The following ZNF658 variants were observed in gnomAD, a reference collection of about 807,000 sequenced individuals.
The protein encoded by ZNF658 is zinc finger protein 658.
ZNF658 carries 46 observed loss-of-function variants against 78.0 expected under a neutral mutation model. The ratio of observed to expected loss-of-function variants is 0.59; its 90% confidence interval spans 0.47 to 0.75. The LOEUF is 0.75. ZNF658 is among the 30% of genes least tolerant of loss of function. ZNF658 has a pLI of 0.00. For synonymous variants in ZNF658, 279 were observed against 408.4 expected (o/e 0.68, Z 3.82); for missense variants, 785 against 1,189.3 (o/e 0.66, Z 5.00).
intron 2 of ZNF658, among the ~76,000 whole-genome samples, chr9:66,904,692 C>G (rs990262188): frequency 6.6e-5 from 10 of 152,234 alleles, no homozygotes; most frequent in Non-Finnish European, 1.5e-4. Context: ...GTAACTACCA[C>G]TTGATTCCCT....
chr9:66,903,266 T>A lies in ZNF658; in HGVS notation c.-44-252T>A. The A allele has an allele frequency of 7.3e-6, 3 of 412,300 alleles. No homozygotes were observed. In the East Asian group the frequency reaches 1.1e-4, roughly 15 times the overall value. The allele number at this position is 412,300 out of a possible 1,614,324, so 25.5% of individuals were successfully genotyped here. On this transcript the variant is annotated intron_variant, in intron 1 of 4. Coordinates refer to ENST00000621410, the MANE Select transcript of ZNF658 (RefSeq NM_033160.7). Reference sequence around the variant, plus strand: ...TGCACATATTCAGGTGTGGCTATCTTTGAGTGGTCCTTCTTGTCCCTTTTC... The same window carrying A: ...TGCACATATTCAGGTGTGGCTATCTATGAGTGGTCCTTCTTGTCCCTTTTC...
At chr9:66,928,341 CA>C (rs1822605745) in intron 6 of ZNF658, among the ~76,000 whole-genome samples, 1 of 152,016 alleles carries the variant, frequency 6.6e-6, no homozygotes, top group South Asian at 2.1e-4. Flanking sequence ...GGAAAAAAAG[CA>C]AAATTGTTTC....
At chr9:66,914,432 A>G (rs530399417) in intron 4 of ZNF658, among the ~76,000 whole-genome samples, 2 of 152,012 alleles carry the variant, frequency 1.3e-5, no homozygotes, top group East Asian at 3.9e-4. Flanking sequence ...TTTACTCTGT[A>G]TCTTTGTGTT....
At chr9:66,907,243 T>A (rs1412893831) in intron 2 of ZNF658, among the ~76,000 whole-genome samples, 1 of 152,146 alleles carries the variant, frequency 6.6e-6, no homozygotes, top group Non-Finnish European at 1.5e-5. Flanking sequence ...ATCCCCATCT[T>A]ACCTTCTGTG....
Position 66,915,397 on chromosome 9 carries a change from T to TA in ZNF658, c.239-2394dup, listed in dbSNP as rs200943142. 5.6e-3 allele frequency among the ~76,000 whole-genome samples: 798 copies of TA among 143,034 alleles called. 2 individuals carry two copies. Among genetic ancestry groups the TA allele is most frequent in the East Asian group, 0.032 (156 of 4,904 alleles). 93.8% of individuals were successfully genotyped at this position (143,034 alleles called of 152,430 possible). Reference sequence around the variant, plus strand: ...AATAAAGTTAGTTTGCTTTTATAGTTAAAAAAAAAAAAAAGAGAGAGACTA... The same window carrying TA: ...AATAAAGTTAGTTTGCTTTTATAGTTAAAAAAAAAAAAAAAGAGAGAGACTA... On this transcript the variant is annotated intron_variant, in intron 4 of 4. Transcript: ENST00000621410.
chr9:66,929,887 G>T (rs1156693388), intron 6 of ZNF658, among the ~76,000 whole-genome samples: 5 of 135,294 alleles, frequency 3.7e-5, no homozygotes, highest in African/African-American at 1.1e-4. Context: ...GGGTTCAAGC[G>T]ATTCTCCTGC....
At chr9:66,910,363 T>C (rs1422074039) in intron 4 of ZNF658, among the ~76,000 whole-genome samples, 2 of 151,978 alleles carry the variant, frequency 1.3e-5, no homozygotes, top group African/African-American at 4.8e-5. Context: ...AGGTTTTTGT[T>C]TGAAGCCATA....
downstream of ZNF658, among the ~76,000 whole-genome samples, chr9:66,925,457 A>T (rs540785340): frequency 1.2e-4 from 18 of 152,058 alleles, no homozygotes; most frequent in South Asian, 3.7e-3. Flanking sequence ...CTGCTGTGAG[A>T]AAAAATACAC....
intron 4 of ZNF658, among the ~76,000 whole-genome samples, chr9:66,915,052 TGCACACAC>T (rs1367262428): frequency 4.0e-5 from 4 of 99,874 alleles, no homozygotes; most frequent in Non-Finnish European, 8.1e-5. Context: ...TCTTTGGAAT[TGCACACAC>T]ACACACACAC....
rs189558265 is a variant in ZNF658 at position 66,921,048 on chromosome 9, A to G, written c.*302A>G. 6.3e-5 allele frequency: 24 copies of G among 381,150 alleles called. No homozygotes were observed. Among genetic ancestry groups the G allele is most frequent in the Non-Finnish European group, 1.1e-4 (23 of 209,034 alleles). The allele number at this position is 381,150 out of a possible 1,614,324, so 23.6% of individuals were successfully genotyped here. A position where few individuals can be genotyped will look rare whatever the true frequency, so the allele number is the denominator to read the frequency against. On this transcript the variant is annotated 3_prime_UTR_variant, in exon 5 of 5. Transcript: ENST00000621410. The stretch of plus-strand genomic sequence containing the variant: ...CTGTGTGTTCAAAACCATAGAGCAC[A>G]AGGTCAAGGAAGCTAGAGTCTGAAA...
At chr9:66,901,575 T>A (rs532681054) in intron 1 of ZNF658, among the ~76,000 whole-genome samples, 20 of 151,960 alleles carry the variant, frequency 1.3e-4, no homozygotes, top group South Asian at 4.2e-4. Context: ...CTGTTCCCGC[T>A]GTCTCCTCAA....
chr9:66,930,247 G>C (rs927411800), intron 6 of ZNF658, among the ~76,000 whole-genome samples: 10 of 128,596 alleles, frequency 7.8e-5, no homozygotes, highest in African/African-American at 2.5e-4. Context: ...GGGTTTATGA[G>C]TCAGATTTAG....
In ZNF658 at chr9:66,918,257, A is replaced by G; in HGVS notation, c.691A>G (p.Ile231Val). 1 of 1,611,590 alleles carries G rather than the reference A, an allele frequency of 6.2e-7. No individual in the cohort carries two copies. The change falls in exon 5 of 5, where the codon ATT (isoleucine) becomes GTT (valine). Residue 231 changes from isoleucine to valine, a missense_variant. Ile to Val is a conservative substitution (Grantham distance 29). Around this residue, in one of 12 missense-constraint regions of ZNF658, gnomAD observed 393 missense variants for 400.2 expected, o/e 0.98. Coordinates refer to ENST00000621410, the MANE Select transcript of ZNF658 (RefSeq NM_033160.7). Reference sequence around the variant, plus strand: ...AGGTTTATATGATAAGACAATTTGTATTACACCTCAGAGTTTTCTAACAGG... The same window carrying G: ...AGGTTTATATGATAAGACAATTTGTGTTACACCTCAGAGTTTTCTAACAGG... ...GQGLYDKTIC[I>V]TPQSFLTGEK...
chr9:66,908,775 A>G (rs777016034), intron 4 of ZNF658, 41 bp downstream of exon 4: 1 of 1,583,358 alleles, frequency 6.3e-7, no homozygotes, highest in Non-Finnish European at 8.6e-7. Context: ...GGGGGTACTT[A>G]GTCTTTAGAG....
intron 4 of ZNF658, among the ~76,000 whole-genome samples, chr9:66,916,240 C>T (rs1042015384): frequency 1.6e-4 from 24 of 152,326 alleles, no homozygotes; most frequent in African/African-American, 5.5e-4. Flanking sequence ...GCTGTATCCA[C>T]AAATTTCTGT....
At chr9:66,922,271 A>G (rs1004449201), downstream of ZNF658, among the ~76,000 whole-genome samples, 2 of 151,704 alleles carry the variant, frequency 1.3e-5, no homozygotes, top group Non-Finnish European at 2.9e-5. Context: ...TGGCTAGGAA[A>G]GGGAATTCCC....
chr9:66,908,771 A>T (rs773494085), intron 4 of ZNF658, 37 bp downstream of exon 4: 72 of 1,596,772 alleles, frequency 4.5e-5, no homozygotes, highest in Admixed American at 1.6e-4. Context: ...CCCTGGGGGT[A>T]CTTAGTCTTT....
intron 4 of ZNF658, among the ~76,000 whole-genome samples, chr9:66,911,503 C>G (rs1432291938): frequency 2.4e-5 from 2 of 81,798 alleles, no homozygotes; most frequent in Non-Finnish European, 4.5e-5. Flanking sequence ...ATTAATTAAG[C>G]AAGAACAGCA....
At chr9:66,902,226 C>T (rs887155295) in intron 1 of ZNF658, among the ~76,000 whole-genome samples, 1 of 146,428 alleles carries the variant, frequency 6.8e-6, no homozygotes, top group South Asian at 2.2e-4. Flanking sequence ...AGCAAAGCAG[C>T]TCCTATGAGG....
Sources: gnomAD v4.1 joint callset for allele counts (sites outside exome capture counted in the v4.1 genomes callset) on GRCh38, gnomAD v4.1.1 for gene constraint, gnomAD v4.1.1 regional missense constraint, MANE v1.5 for transcripts, NCBI Gene and HGNC (gene_info 2026-07-23, HGNC 2026-07-21) for gene names.